EPB41L5: variants seen among roughly 807,000 people sequenced by gnomAD.
The protein encoded by EPB41L5 is band 4.1-like protein 5.
A neutral mutation model predicts 106.6 loss-of-function variants in EPB41L5; 55 were observed. The ratio of observed to expected loss-of-function variants is 0.52; its 90% CI spans 0.42 to 0.65. The LOEUF is 0.65. Ranked by LOEUF, EPB41L5 falls within the 30% of genes least tolerant of loss-of-function variation. The pLI is 0.00. For synonymous variants in EPB41L5, 297 were observed against 306.7 expected (o/e 0.97, Z 0.33); for missense variants, 871 against 882.1 (o/e 0.99, Z 0.16).
intron 10 of EPB41L5, among the ~76,000 whole-genome samples, chr2:120,082,245 T>C (rs1252279816): frequency 1.3e-5 from 2 of 152,160 alleles, no homozygotes; most frequent in African/African-American, 4.8e-5. Context: ...TGGCTGTGGG[T>C]TTGTCATAAA....
Position 120,056,630 on chromosome 2 carries a change from G to T in EPB41L5, c.285+14520G>T, listed in dbSNP as rs113755709. On this transcript the variant is annotated intron_variant, in intron 3 of 24. Transcript: ENST00000263713. ...TTGCCAGTATTTGATGATTATTTTG[G>T]TACTATATTCATAAAGGATATTAGT... Among the ~76,000 whole-genome samples, 1,059 of 150,324 alleles carry T rather than the reference G, an allele frequency of 7.0e-3. 7 individuals are homozygous for T. The highest frequency in any genetic ancestry group is 0.059 in the Middle Eastern group (17 of 288).
intron 20 of EPB41L5, among the ~76,000 whole-genome samples, chr2:120,154,946 TA>T (rs1346475266): frequency 6.6e-6 from 1 of 152,144 alleles, no homozygotes; most frequent in Non-Finnish European, 1.5e-5. Flanking sequence ...AAAAATTGCA[TA>T]TGTACACATT....
At chr2:120,076,925 G>A (rs1682282064) in intron 7 of EPB41L5, 46 bp from the exon 8 acceptor site, 2 of 1,499,178 alleles carry the variant, frequency 1.3e-6, no homozygotes, top group Non-Finnish European at 1.8e-6. Flanking sequence ...GGTTTTTGAA[G>A]GATTTAGCAG....
rs200613361 is a variant in EPB41L5, at chr2:120,019,155, G to A, written c.71G>A (p.Arg24Gln). 45 of 1,613,952 alleles carry A rather than the reference G, an allele frequency of 2.8e-5. No individual in the cohort carries two copies. The highest frequency in any genetic ancestry group is 6.6e-5 in the South Asian group (6 of 91,064). Residue 24 changes from arginine (R) to glutamine (Q), a missense_variant, in exon 2 of 25, where the codon CGA (arginine) becomes CAA (glutamine). By Grantham distance (43) the Arg-to-Gln change is conservative. Coordinates refer to ENST00000263713, the MANE Select transcript of EPB41L5 (RefSeq NM_020909.4). ...AAACATGCAGAGAAGGAACGACTCC[G>A]AGAAGCACAACGCGCCGCCACACAT... ...MRKHAEKERLREAQRAATHIP... is the reference protein window; with the variant it reads ...MRKHAEKERLQEAQRAATHIP...
chr2:120,078,646 A>C, intron 10 of EPB41L5, 65 bp downstream of exon 10: 6 of 1,061,514 alleles, frequency 5.7e-6, no homozygotes, highest in Non-Finnish European at 7.0e-6. Flanking sequence ...AAATAAAGTT[A>C]ATACATAAAC....
At chr2:120,030,577 G>A (rs376486614) in intron 2 of EPB41L5, among the ~76,000 whole-genome samples, 18 of 152,100 alleles carry the variant, frequency 1.2e-4, no homozygotes, top group Admixed American at 3.9e-4. Flanking sequence ...TTATTGAGGC[G>A]GAGTCTGGCT....
At chr2:120,168,383 G>GGTAA (rs776149010) in intron 24 of EPB41L5, among the ~76,000 whole-genome samples, 7 of 152,104 alleles carry the variant, frequency 4.6e-5, no homozygotes, top group Non-Finnish European at 7.4e-5. Context: ...AGTATAAGTG[G>GGTAA]GTAAGTTAGG....
rs756025079 is a variant in EPB41L5 at position 120,143,018 on chromosome 2, T to A, written c.1615T>A (p.Leu539Met). ...NINSQEEVVK[L>M]TEKCLNNVIE... ...AAATATCTAGGAGGAAGTGGTGAAG[T>A]TGACTGAGAAATGCCTTAATAATGT... is the stretch of plus-strand genomic sequence containing the variant. Residue 539 changes from leucine to methionine, a missense_variant, in exon 19 of 25, where the codon TTG becomes ATG. Leu to Met is a conservative substitution (Grantham distance 15, BLOSUM62 2). Coordinates refer to ENST00000263713, the MANE Select transcript of EPB41L5 (RefSeq NM_020909.4). 3 of 1,612,638 alleles carry A rather than the reference T, an allele frequency of 1.9e-6. No individual in the cohort carries two copies. The South Asian group carries it at 3.3e-5, about 18-fold the overall frequency.
chr2:120,154,320 G>A (rs1411292460), intron 20 of EPB41L5, among the ~76,000 whole-genome samples: 14 of 151,292 alleles, frequency 9.3e-5, no homozygotes, highest in Admixed American at 6.6e-4. Flanking sequence ...CACCATGCCC[G>A]GCTAATTTTT....
chr2:120,086,323 G>A (rs1683051339), intron 10 of EPB41L5, among the ~76,000 whole-genome samples: 1 of 151,932 alleles, frequency 6.6e-6, no homozygotes, highest in Admixed American at 6.6e-5. Context: ...ACATTGTTTC[G>A]ACATTCACAA....
At chr2:120,158,546 G>C (rs1372774762) in intron 20 of EPB41L5, among the ~76,000 whole-genome samples, 1 of 152,064 alleles carries the variant, frequency 6.6e-6, no homozygotes, top group Admixed American at 6.6e-5. Flanking sequence ...CACTGCTTCG[G>C]GTTAAAAACT....
intron 14 of EPB41L5, among the ~76,000 whole-genome samples, chr2:120,097,900 T>A (rs554081809): frequency 2.6e-5 from 4 of 152,330 alleles, no homozygotes; most frequent in African/African-American, 9.6e-5. Flanking sequence ...CACTTATAAA[T>A]ATTTTGTTCT....
intron 16 of EPB41L5, among the ~76,000 whole-genome samples, chr2:120,119,487 G>A (rs991079039): frequency 1.3e-5 from 2 of 151,848 alleles, no homozygotes; most frequent in South Asian, 2.1e-4. Flanking sequence ...TATAGTTTTC[G>A]GTTTTACATT....
At chr2:120,051,864 T>G (rs570893411) in intron 3 of EPB41L5, among the ~76,000 whole-genome samples, 1 of 152,196 alleles carries the variant, frequency 6.6e-6, no homozygotes, top group Non-Finnish European at 1.5e-5. Context: ...TCTTGCTCTG[T>G]CACCCAGGCT....
chr2:120,122,617 C>T (rs527922994), intron 16 of EPB41L5, among the ~76,000 whole-genome samples: 29 of 152,266 alleles, frequency 1.9e-4, no homozygotes, highest in African/African-American at 5.3e-4. Flanking sequence ...CATGATGCCT[C>T]CAGCTTTGTT....
chr2:120,045,373 C>T (rs984198415), intron 3 of EPB41L5, among the ~76,000 whole-genome samples: 38 of 152,092 alleles, frequency 2.5e-4, no homozygotes, highest in Admixed American at 2.4e-3. Flanking sequence ...ATAGTTGAAA[C>T]AATCTCATGT....
At chr2:120,013,897 C>T (rs1170610540) in intron 1 of EPB41L5, among the ~76,000 whole-genome samples, 1 of 152,186 alleles carries the variant, frequency 6.6e-6, no homozygotes, top group East Asian at 1.9e-4. Context: ...ATTCCCATAA[C>T]CGTGTACATT....
intron 24 of EPB41L5, 129 bp downstream of exon 24, chr2:120,168,136 C>CT: frequency 9.2e-7 from 1 of 1,083,666 alleles, no homozygotes; most frequent in Non-Finnish European, 1.3e-6. Context: ...TGGGGCAAAT[C>CT]TTTTTTCTGT....
At chr2:120,159,055 A>G (rs1687020847) in intron 20 of EPB41L5, among the ~76,000 whole-genome samples, 1 of 152,134 alleles carries the variant, frequency 6.6e-6, no homozygotes, top group African/African-American at 2.4e-5. Flanking sequence ...GATCTCTACA[A>G]GGATAACTAC....
Sources: allele counts gnomAD v4.1 joint callset (sites outside exome capture counted in the v4.1 genomes callset), GRCh38; gene constraint gnomAD v4.1.1; transcripts MANE v1.5; gene names NCBI Gene and HGNC (gene_info 2026-07-23, HGNC 2026-07-21).